RSPRY1: variants seen among roughly 807,000 people sequenced by gnomAD.
RSPRY1 encodes ring finger and SPRY domain containing 1, also known as RING finger and SPRY domain-containing protein 1.
Under a neutral mutation model 73.1 loss-of-function variants are expected in RSPRY1, and 23 were observed. The ratio of observed to expected loss-of-function variants is 0.31; its 90% CI spans 0.23 to 0.45. The LOEUF (loss-of-function observed/expected upper bound fraction) is 0.45. RSPRY1 is among the 20% of genes least tolerant of loss of function. The probability of loss-of-function intolerance (pLI) is 1.00; values close to 1 mark genes in which losing one functional copy is unlikely to be tolerated. For missense variants in RSPRY1, 448 were observed against 698.7 expected (o/e 0.64, Z 4.05); for synonymous variants, 226 against 251.4 (o/e 0.90, Z 0.95).
chr16:57,199,607 A>G (rs1364931519), intron 1 of RSPRY1, among the ~76,000 whole-genome samples: 1 of 152,228 alleles, frequency 6.6e-6, no homozygotes, highest in Non-Finnish European at 1.5e-5. Context: ...AGAGCAGAAG[A>G]GGAACTTTCA....
At chr16:57,216,228 T>A in intron 7 of RSPRY1, 55 bp downstream of exon 7, 2 of 1,313,522 alleles carry the variant, frequency 1.5e-6, no homozygotes, top group South Asian at 1.2e-5. Flanking sequence ...GTTAAAAATT[T>A]TATTTTTCTT....
chr16:57,208,167 T>A, intron 3 of RSPRY1, 57 bp downstream of exon 3: 1 of 1,079,712 alleles, frequency 9.3e-7, no homozygotes, highest in Non-Finnish European at 1.4e-6. Context: ...TGAAGAAAAG[T>A]AGCCACCTTT....
At chr16:57,236,573 C>G (rs2075302598) in intron 14 of RSPRY1, among the ~76,000 whole-genome samples, 1 of 152,106 alleles carries the variant, frequency 6.6e-6, no homozygotes, top group Non-Finnish European at 1.5e-5. Flanking sequence ...AAATGGTTAT[C>G]AAAGCTACCT....
At chr16:57,196,617 A>G (rs1037468267) in intron 1 of RSPRY1, among the ~76,000 whole-genome samples, 6 of 152,222 alleles carry the variant, frequency 3.9e-5, no homozygotes, top group African/African-American at 1.4e-4. Context: ...GGGATGATCA[A>G]GCTACAATCC....
intron 8 of RSPRY1, among the ~76,000 whole-genome samples, chr16:57,217,965 A>C (rs774254365): frequency 6.6e-6 from 1 of 152,256 alleles, no homozygotes; most frequent in Non-Finnish European, 1.5e-5. Flanking sequence ...GAATGGAAGC[A>C]TAAATCTAGC....
At chr16:57,234,710 TA>T (rs2075276142) in intron 13 of RSPRY1, among the ~76,000 whole-genome samples, 1 of 152,388 alleles carries the variant, frequency 6.6e-6, no homozygotes, top group South Asian at 2.1e-4. Flanking sequence ...TGAACTGTTA[TA>T]AACCCCTTGA....
intron 11 of RSPRY1, among the ~76,000 whole-genome samples, chr16:57,230,061 A>T (rs1433613790): frequency 8.6e-6 from 1 of 116,106 alleles, no homozygotes; most frequent in Non-Finnish European, 1.6e-5. Flanking sequence ...CCCAGGCTGG[A>T]GTGCAATGGC....
In RSPRY1 at chr16:57,216,118, C is replaced by A; in HGVS notation, c.714C>A (p.Ser238=). The change falls in exon 7 of 15, where the codon TCC becomes TCA. Residue 238 remains serine, a synonymous_variant. Coordinates refer to ENST00000394420, the MANE Select transcript of RSPRY1 (RefSeq NM_133368.3). ...EYLLQCLKLQ[S]HPTVMLFALI... ...TTGTTGTTTTTCAGAAGTTACAGTC[C>A]CACCCCACAGTCATGCTTTTTGCAC... 6.2e-7 allele frequency: 1 copy of A among 1,608,638 alleles called. No homozygotes were observed. Among genetic ancestry groups the A allele is most frequent in the Non-Finnish European group, 8.5e-7 (1 of 1,177,058 alleles).
At position 57,220,722 on chromosome 16, in the gene RSPRY1, T is replaced by C; in HGVS notation, c.902-10T>C. ...CTGCCTTAGAAACATGAACACTCTTTCTTTTGCAGTTTTAAAAGAAGGTAG... is the reference window on the plus strand; with the variant it reads ...CTGCCTTAGAAACATGAACACTCTTCCTTTTGCAGTTTTAAAAGAAGGTAG... On this transcript the variant is annotated splice_polypyrimidine_tract_variant and intron_variant, in intron 8 of 14. Transcript: ENST00000394420. The C allele has an allele frequency of 6.3e-7, 1 of 1,577,396 alleles. No individual in the cohort carries two copies. The highest frequency in any genetic ancestry group is 8.7e-7 in the Non-Finnish European group (1 of 1,146,752).
chr16:57,212,904 A>T (rs1056154102), intron 4 of RSPRY1, 68 bp from the exon 5 acceptor site: 3 of 1,533,214 alleles, frequency 2.0e-6, no homozygotes, highest in Non-Finnish European at 1.8e-6. Context: ...GTCTCAAAAA[A>T]AAAATGAGCC....
Position 57,230,860 on chromosome 16 carries a change from C to G in RSPRY1, c.1376+47C>G, listed in dbSNP as rs762398806. On this transcript the variant is annotated intron_variant, in intron 12 of 14. Transcript: ENST00000394420. The stretch of plus-strand genomic sequence containing the variant: ...AAAATTCGAGTAGATGCACGGAATG[C>G]CCTTTTCTCTAGGAAAAAAAAAGTC... 3 of 1,076,128 alleles carry G rather than the reference C, an allele frequency of 2.8e-6. No individual in the cohort carries two copies. The Admixed American group carries it at 5.6e-5, about 20-fold the overall frequency. 66.7% of individuals were successfully genotyped at this position (1,076,128 alleles called of 1,614,324 possible).
chr16:57,199,977 C>A (rs1286765080), intron 1 of RSPRY1, among the ~76,000 whole-genome samples: 1 of 127,784 alleles, frequency 7.8e-6, no homozygotes, highest in African/African-American at 2.8e-5. Context: ...GGCAGGGTCA[C>A]AGGACAATAG....
chr16:57,230,941 G>T (rs1336052372), intron 12 of RSPRY1, 128 bp downstream of exon 12: 2 of 709,884 alleles, frequency 2.8e-6, no homozygotes, highest in Non-Finnish European at 4.7e-6. Flanking sequence ...CAAGTGATTG[G>T]GAACCCATTT....
intron 10 of RSPRY1, among the ~76,000 whole-genome samples, chr16:57,221,902 A>G (rs1445124293): frequency 6.6e-6 from 1 of 152,184 alleles, no homozygotes; most frequent in African/African-American, 2.4e-5. Context: ...TTGTTATAGA[A>G]AGCTATAATA....
intron 7 of RSPRY1, among the ~76,000 whole-genome samples, 176 bp from the exon 8 acceptor site, chr16:57,216,728 A>C (rs188904325): frequency 2.0e-3 from 300 of 152,318 alleles, no homozygotes; most frequent in Middle Eastern, 0.01. Context: ...ACTAAAAAAA[A>C]GGAAAACAAA....
At chr16:57,212,847 T>C in intron 4 of RSPRY1, 125 bp from the exon 5 acceptor site, 1 of 899,578 alleles carries the variant, frequency 1.1e-6, no homozygotes, top group Non-Finnish European at 1.7e-6. Context: ...ACTCTTGACC[T>C]TGTGGTCCGC....
rs55876719 is a variant in RSPRY1 at position 57,214,906 on chromosome 16, G to A, written c.702+960G>A. On this transcript the variant is annotated intron_variant, in intron 6 of 14. Coordinates refer to ENST00000394420, the MANE Select transcript of RSPRY1 (RefSeq NM_133368.3). Reference sequence around the variant, plus strand: ...TAGCTGGGCATGGTGGCATGTGTGTGTAGTCCCAGCTACTCAGGAGGCTGA... The same window carrying A: ...TAGCTGGGCATGGTGGCATGTGTGTATAGTCCCAGCTACTCAGGAGGCTGA... 8.6e-3 allele frequency among the ~76,000 whole-genome samples: 1,304 copies of A among 152,256 alleles called. 16 individuals are homozygous for A. The highest frequency in any genetic ancestry group is 0.03 in the African/African-American group (1,246 of 41,536).
chr16:57,234,982 A>G (rs976270468), intron 13 of RSPRY1, 142 bp from the exon 14 acceptor site: 6 of 611,660 alleles, frequency 9.8e-6, no homozygotes, highest in East Asian at 2.8e-5. Context: ...TTGAAAGGAG[A>G]TGGCATGTAT....
At chr16:57,225,215 C>G (rs1473348236) in intron 10 of RSPRY1, among the ~76,000 whole-genome samples, 1 of 152,202 alleles carries the variant, frequency 6.6e-6, no homozygotes, top group Non-Finnish European at 1.5e-5. Flanking sequence ...TGTGCGCCAC[C>G]ACACCTGGAT....
Sources: allele counts gnomAD v4.1 joint callset (sites outside exome capture counted in the v4.1 genomes callset), GRCh38; gene constraint gnomAD v4.1.1; transcripts MANE v1.5; gene names NCBI Gene and HGNC (gene_info 2026-07-23, HGNC 2026-07-21).